Variants in ANK2 observed in about 807,000 individuals in gnomAD.
ANK2 encodes the protein ankyrin 2.
In ANK2, 83 loss-of-function variants were observed where a neutral mutation model predicts 360.5. That is an observed-to-expected ratio of 0.23 (90% CI 0.19 to 0.28). ANK2 has a LOEUF of 0.28. ANK2 is among the 10% of genes least tolerant of loss of function. The probability of loss-of-function intolerance (pLI) is 1.00; values close to 1 mark genes in which losing one functional copy is unlikely to be tolerated. For synonymous variants in ANK2, 1,740 were observed against 1,759.5 expected (o/e 0.99, Z 0.28); for missense variants, 4,201 against 4,795.7 (o/e 0.88, Z 3.66).
intron 26 of ANK2, among the ~76,000 whole-genome samples, chr4:113,320,321 A>G (rs2085370756): frequency 6.6e-6 from 1 of 152,166 alleles, no homozygotes; most frequent in South Asian, 2.1e-4. Context: ...ATAATTCTCA[A>G]CTTTTGCTGT....
At chr4:113,225,473 A>C (rs1182996544) in intron 4 of ANK2, among the ~76,000 whole-genome samples, 1 of 152,094 alleles carries the variant, frequency 6.6e-6, no homozygotes, top group Admixed American at 6.6e-5. Flanking sequence ...TTATATGATC[A>C]CTCTTTTTAA....
chr4:112,783,861 G>A, the ANK2 span, among the ~76,000 whole-genome samples: 1 of 151,978 alleles, frequency 6.6e-6, no homozygotes, highest in South Asian at 2.1e-4. Context: ...ATGTTAGCCA[G>A]GATGGTCTCG....
intron 11 of ANK2, 30 bp from the exon 12 acceptor site, chr4:113,258,020 T>TA (rs2050469595): frequency 6.3e-7 from 1 of 1,585,710 alleles, no homozygotes; most frequent in African/African-American, 1.3e-5. Flanking sequence ...TTCTGCATGT[T>TA]TTCAACTAAC....
chr4:112,954,859 G>A (rs1178487114), intron 2 of ANK2, among the ~76,000 whole-genome samples: 7 of 151,946 alleles, frequency 4.6e-5, no homozygotes, highest in Admixed American at 1.3e-4. Context: ...AAATAATTTG[G>A]AAATATATAT....
Position 113,381,610 on chromosome 4 carries a change from CA to C in ANK2, c.*141del, listed in dbSNP as rs1564256912. ...TCCAGCAGCTCCTTCGGCATTTCTGCAAGGAGGACTTGAAGCAAGAGGCCAA... is the reference window on the plus strand; with the variant it reads ...TCCAGCAGCTCCTTCGGCATTTCTGCAGGAGGACTTGAAGCAAGAGGCCAA... On this transcript the variant is annotated 3_prime_UTR_variant, in exon 46 of 46. Transcript: ENST00000357077. 1.9e-6 allele frequency: 3 copies of C among 1,567,752 alleles called. No individual in the cohort carries two copies. The highest frequency in any genetic ancestry group is 2.3e-5 in the South Asian group (2 of 86,506).
At chr4:113,035,979 A>G (rs78215123) in intron 2 of ANK2, among the ~76,000 whole-genome samples, 3 of 152,040 alleles carry the variant, frequency 2.0e-5, no homozygotes, top group East Asian at 1.9e-4. Context: ...GGTCTAAATA[A>G]TTTGCATAAT....
chr4:113,052,455 C>T (rs2067484010), intron 1 of ANK2, among the ~76,000 whole-genome samples: 2 of 152,124 alleles, frequency 1.3e-5, no homozygotes, highest in Non-Finnish European at 2.9e-5. Context: ...CTAGTAAATA[C>T]GTAACAGATG....
At chr4:112,831,882 G>A (rs1444702361) in intron 1 of ANK2, among the ~76,000 whole-genome samples, 1 of 152,090 alleles carries the variant, frequency 6.6e-6, no homozygotes, top group Non-Finnish European at 1.5e-5. Context: ...TCATTGTGAA[G>A]GTTTGCAGCT....
At position 113,354,219 on chromosome 4, in the gene ANK2, A is replaced by G. The variant is rs1364560389; in HGVS notation, c.5601A>G (p.Ser1867=). The G allele has an allele frequency of 2.5e-6, 4 of 1,613,762 alleles. No homozygotes were observed. The highest frequency in any genetic ancestry group is 3.4e-6 in the Non-Finnish European group (4 of 1,179,902). ...VSPSAKTERH[S]PASSSSKTEK... ...CCTCTGCAAAAACGGAAAGACATTC[A>G]CCTGCGTCATCATCGAGTAAAACTG... The change falls in exon 38 of 46, where the codon TCA becomes TCG. Residue 1867 remains serine (S), a synonymous_variant. Transcript: ENST00000357077.
At chr4:113,113,812 C>T (rs1348421610) in intron 1 of ANK2, among the ~76,000 whole-genome samples, 1 of 152,116 alleles carries the variant, frequency 6.6e-6, no homozygotes, top group African/African-American at 2.4e-5. Context: ...CCTCAGAGAA[C>T]TGATACCAAT....
intron 1 of ANK2, among the ~76,000 whole-genome samples, chr4:112,849,465 A>G (rs990687769): frequency 1.3e-5 from 2 of 152,100 alleles, no homozygotes; most frequent in African/African-American, 4.8e-5. Context: ...TCTCTCCCCC[A>G]GCTCTCTTCA....
the ANK2 span, among the ~76,000 whole-genome samples, chr4:112,777,379 C>T: frequency 1.3e-5 from 2 of 151,904 alleles, no homozygotes; most frequent in Non-Finnish European, 2.9e-5. Flanking sequence ...GCTGGGACTA[C>T]AGACACCTGC....
At chr4:113,240,627 A>C (rs747326413) in intron 8 of ANK2, 44 bp downstream of exon 8, 1 of 1,515,646 alleles carries the variant, frequency 6.6e-7, no homozygotes, top group East Asian at 2.3e-5. Context: ...CAGTAAATGA[A>C]TATTTTAATA....
At chr4:113,097,221 G>A (rs1317297692) in intron 1 of ANK2, among the ~76,000 whole-genome samples, 4 of 151,298 alleles carry the variant, frequency 2.6e-5, no homozygotes, top group African/African-American at 7.3e-5. Context: ...GTGCTTTCAT[G>A]ACAAGTATTC....
At chr4:112,970,887 A>C (rs1003905756) in intron 2 of ANK2, among the ~76,000 whole-genome samples, 5 of 152,338 alleles carry the variant, frequency 3.3e-5, no homozygotes, top group African/African-American at 1.2e-4. Flanking sequence ...GTGGTAATGC[A>C]TATGTCAATT....
At chr4:113,337,300 A>G (rs185411024) in intron 31 of ANK2, among the ~76,000 whole-genome samples, 84 of 152,330 alleles carry the variant, frequency 5.5e-4, no homozygotes, top group African/African-American at 1.9e-3. Context: ...CTTTAGAAAA[A>G]CAACTTAAAG....
chr4:112,998,244 A>T (rs2049346914), intron 2 of ANK2, among the ~76,000 whole-genome samples: 1 of 151,956 alleles, frequency 6.6e-6, no homozygotes, highest in South Asian at 2.1e-4. Flanking sequence ...TTCAAGCAGA[A>T]GTCAATTATG....
chr4:113,234,498 A>G (rs2099355440), intron 5 of ANK2, among the ~76,000 whole-genome samples: 1 of 152,228 alleles, frequency 6.6e-6, no homozygotes, highest in Non-Finnish European at 1.5e-5. Flanking sequence ...AAAAACACAC[A>G]TGGACAAATC....
chr4:112,770,343 G>A, the ANK2 span, among the ~76,000 whole-genome samples: 5 of 152,170 alleles, frequency 3.3e-5, no homozygotes, highest in Admixed American at 6.5e-5. Context: ...GAGCCACTGT[G>A]CCTTCCCTTC....
Sources: gnomAD v4.1 joint callset for allele counts (sites outside exome capture counted in the v4.1 genomes callset) on GRCh38, gnomAD v4.1.1 for gene constraint, MANE v1.5 for transcripts, NCBI Gene and HGNC (gene_info 2026-07-23, HGNC 2026-07-21) for gene names.